Variants in GRK2 observed in about 807,000 individuals in gnomAD.
GRK2 encodes the protein G protein-coupled receptor kinase 2, also known as adrenergic beta receptor kinase 1.
In GRK2, 23 loss-of-function variants were observed where a neutral mutation model predicts 97.8. That is an observed-to-expected ratio of 0.24 (90% CI 0.17 to 0.33). GRK2 has a LOEUF of 0.33. Among genes scored for constraint, GRK2 ranks in the 10% least tolerant of loss-of-function variants. The pLI is 1.00. For synonymous variants in GRK2, 425 were observed against 381.7 expected, an observed-to-expected ratio of 1.11 and a Z score of -1.32; for missense variants, 633 against 956.9, an observed-to-expected ratio of 0.66 and a Z score of 4.47.
rs3730144 is a variant in GRK2 at position 67,282,063 on chromosome 11, C to T, written c.957+111C>T. 5.3e-3 allele frequency: 7,614 copies of T among 1,430,108 alleles called. 340 individuals are homozygous for T. The African/African-American group carries it at 0.094, about 18-fold the overall frequency. 88.6% of individuals were successfully genotyped at this position (1,430,108 alleles called of 1,614,324 possible). A position where few individuals can be genotyped will look rare whatever the true frequency, so the allele number is the denominator to read the frequency against. Reference sequence around the variant, plus strand: ...TGGGGCTCCTGGGACATGGCCGCCCCGTATCTTCCCATCTCCGCCCCTGCC... The same window carrying T: ...TGGGGCTCCTGGGACATGGCCGCCCTGTATCTTCCCATCTCCGCCCCTGCC... On this transcript the variant is annotated intron_variant, in intron 11 of 20. Transcript: ENST00000308595. The surrounding 1 kb of genome is among the most constrained non-coding windows in gnomAD (Gnocchi z 6.9).
chr11:67,280,648 G>A (rs1860127801), intron 6 of GRK2, 84 bp from the exon 7 acceptor site: 1 of 1,493,762 alleles, frequency 6.7e-7, no homozygotes, highest in Non-Finnish European at 9.3e-7. Context: ...ACCCCAGGGA[G>A]TGGCGGCTGG....
At chr11:67,275,559 C>T (rs1055494169) in intron 1 of GRK2, among the ~76,000 whole-genome samples, 15 of 152,146 alleles carry the variant, frequency 9.9e-5, no homozygotes, top group Admixed American at 7.2e-4. Flanking sequence ...GGCCACCCAC[C>T]GCCCTGGACC....
At chr11:67,267,114 G>GC (rs1177543487) in intron 1 of GRK2, among the ~76,000 whole-genome samples, 1 of 151,972 alleles carries the variant, frequency 6.6e-6, no homozygotes, top group African/African-American at 2.4e-5. Context: ...TGCTCCACCG[G>GC]CCCCCCGAAG....
intron 17 of GRK2, 78 bp from the exon 18 acceptor site, chr11:67,284,133 G>T: frequency 6.3e-7 from 1 of 1,583,440 alleles, no homozygotes; most frequent in African/African-American, 1.3e-5. Context: ...CAGGGCCCTG[G>T]GTCTGGGCAG....
In GRK2 at chr11:67,283,218, C is replaced by T; in HGVS notation, c.1318C>T (p.Leu440=). 6.2e-7 allele frequency: 1 copy of T among 1,613,886 alleles called. No homozygotes were observed. The highest frequency in any genetic ancestry group is 8.5e-7 in the Non-Finnish European group (1 of 1,179,940). Residue 440 remains leucine, a synonymous_variant, in exon 15 of 21, where the codon CTG becomes TTG. Coordinates refer to ENST00000308595, the MANE Select transcript of GRK2 (RefSeq NM_001619.5). Reference sequence around the variant, plus strand: ...GGATGTCAACCGGAGATTGGGCTGCCTGGGCCGAGGGTGAGTACCCTGGCG... The same window carrying T: ...GGATGTCAACCGGAGATTGGGCTGCTTGGGCCGAGGGTGAGTACCCTGGCG... ...QRDVNRRLGC[L]GRGAQEVKES...
chr11:67,266,848 C>T (rs570109600), intron 1 of GRK2, 36 bp downstream of exon 1: 1 of 1,095,980 alleles, frequency 9.1e-7, no homozygotes, highest in Admixed American at 4.6e-5. Flanking sequence ...GGCCCGACCC[C>T]GCGGGCGCCC....
chr11:67,274,301 G>A (rs1565063584), intron 1 of GRK2, among the ~76,000 whole-genome samples: 1 of 151,644 alleles, frequency 6.6e-6, no homozygotes, highest in Non-Finnish European at 1.5e-5. Flanking sequence ...GTGAGCCACC[G>A]CGTCCCGCCA....
intron 1 of GRK2, among the ~76,000 whole-genome samples, chr11:67,271,995 T>A (rs993082207): frequency 2.6e-5 from 4 of 152,114 alleles, no homozygotes; most frequent in African/African-American, 9.7e-5. Context: ...GTTCCCAGAG[T>A]GGCCGCACCA....
chr11:67,268,713 C>A (rs61758508), intron 1 of GRK2, among the ~76,000 whole-genome samples: 4,492 of 152,300 alleles, frequency 0.029, 93 homozygotes, highest in African/African-American at 0.063. Context: ...CTTTTCCTGT[C>A]CCCTTTCCCA....
chr11:67,284,662 G>T, intron 18 of GRK2, 185 bp from the exon 19 acceptor site: 1 of 826,234 alleles, frequency 1.2e-6, no homozygotes. Flanking sequence ...GGTGGCACGC[G>T]CCTGTACTCC....
At chr11:67,268,653 C>T (rs943925136) in intron 1 of GRK2, among the ~76,000 whole-genome samples, 2 of 152,156 alleles carry the variant, frequency 1.3e-5, no homozygotes, top group Non-Finnish European at 2.9e-5. Flanking sequence ...TCTGATGGGG[C>T]GCCGCCTTGG....
chr11:67,279,757 C>A, intron 5 of GRK2, 57 bp downstream of exon 5: 1 of 1,612,960 alleles, frequency 6.2e-7, no homozygotes, highest in Non-Finnish European at 8.5e-7. Flanking sequence ...CCCTGGTCAA[C>A]AAGCCTGGTC....
chr11:67,267,193 C>A (rs1308389049), intron 1 of GRK2, among the ~76,000 whole-genome samples: 1 of 152,270 alleles, frequency 6.6e-6, no homozygotes, highest in African/African-American at 2.4e-5. Flanking sequence ...CTTCTCGGAG[C>A]AGCCCTTGGT....
At chr11:67,284,015 CCTT>C (rs1860217096) in intron 17 of GRK2, 66 bp downstream of exon 17, 11 of 1,477,562 alleles carry the variant, frequency 7.4e-6, no homozygotes, top group South Asian at 3.6e-5. Context: ...GATCCCTCTC[CCTT>C]CTTATCACCT....
At chr11:67,268,683 C>T (rs1859846997) in intron 1 of GRK2, among the ~76,000 whole-genome samples, 1 of 152,176 alleles carries the variant, frequency 6.6e-6, no homozygotes, top group African/African-American at 2.4e-5. Flanking sequence ...TGTCAGAACC[C>T]TGAGAAACGA....
chr11:67,266,695 C>T lies in GRK2; in HGVS notation c.-5C>T, dbSNP rs754600801. On this transcript the variant is annotated 5_prime_UTR_variant, in exon 1 of 21. Coordinates refer to ENST00000308595, the MANE Select transcript of GRK2 (RefSeq NM_001619.5). ...GCGGCGGGAGGAGGCAGCGCCGCCG[C>T]CAAGATGGCGGACCTGGAGGCGGTG... 11 of 1,225,986 alleles carry T rather than the reference C, an allele frequency of 9.0e-6. No homozygotes were observed. In the South Asian group the frequency reaches 2.9e-4, roughly 33 times the overall value. 75.9% of individuals were successfully genotyped at this position (1,225,986 alleles called of 1,614,324 possible). A position where few individuals can be genotyped will look rare whatever the true frequency, so the allele number is the denominator to read the frequency against.
At chr11:67,273,215 C>T (rs967806286) in intron 1 of GRK2, among the ~76,000 whole-genome samples, 1 of 152,258 alleles carries the variant, frequency 6.6e-6, no homozygotes, top group African/African-American at 2.4e-5. Context: ...CCCAGGCACC[C>T]GTCCAACGGC....
chr11:67,286,273 G>T lies in GRK2; in HGVS notation c.*823G>T, dbSNP rs1399586647. On this transcript the variant is annotated 3_prime_UTR_variant, in exon 21 of 21. Coordinates refer to ENST00000308595, the MANE Select transcript of GRK2 (RefSeq NM_001619.5). ...GCAGCACAGCAAGGAGGCTGGCTGGGGCCTATCAGTGTGCCCCCCATCCTG... is the reference window on the plus strand; with the variant it reads ...GCAGCACAGCAAGGAGGCTGGCTGGTGCCTATCAGTGTGCCCCCCATCCTG... The T allele has an allele frequency of 4.8e-6, 3 of 623,868 alleles. No homozygotes were observed. The African/African-American group carries it at 5.6e-5, about 12-fold the overall frequency. 38.6% of individuals were successfully genotyped at this position (623,868 alleles called of 1,614,324 possible). A position where few individuals can be genotyped will look rare whatever the true frequency, so the allele number is the denominator to read the frequency against.
At position 67,285,114 on chromosome 11, in the gene GRK2, G is replaced by A; in HGVS notation, c.1831G>A (p.Glu611Lys). 1 of 1,613,586 alleles carries A rather than the reference G, an allele frequency of 6.2e-7. No homozygotes were observed. Among genetic ancestry groups the A allele is most frequent in the Non-Finnish European group, 8.5e-7 (1 of 1,179,958 alleles). Reference protein sequence around the residue: ...LTMEEIQSVEETQIKERKCLL... With the variant: ...LTMEEIQSVEKTQIKERKCLL... Reference sequence around the variant, plus strand: ...CATGGAGGAGATCCAGTCGGTGGAGGAGACGCAGATCAAGGAGCGCAAGTG... The same window carrying A: ...CATGGAGGAGATCCAGTCGGTGGAGAAGACGCAGATCAAGGAGCGCAAGTG... Residue 611 changes from glutamate (E) to lysine (K), a missense_variant, in exon 20 of 21, where the codon GAG (glutamate) becomes AAG (lysine). Glu to Lys is a moderately conservative substitution (Grantham distance 56). Around this residue, in one of 4 missense-constraint regions of GRK2, gnomAD observed 180 missense variants for 311.3 expected, o/e 0.58. Transcript: ENST00000308595.
Sources: gnomAD v4.1 joint callset for allele counts (sites outside exome capture counted in the v4.1 genomes callset) on GRCh38, gnomAD v4.1.1 for gene constraint, gnomAD v4.1.1 regional missense constraint, Gnocchi (gnomAD v3.1) non-coding constraint, MANE v1.5 for transcripts, NCBI Gene and HGNC (gene_info 2026-07-23, HGNC 2026-07-21) for gene names.